Variants in SEPTIN10 observed in about 807,000 individuals in gnomAD.
SEPTIN10 encodes the protein septin 10.
Under a neutral mutation model 54.8 loss-of-function variants are expected in SEPTIN10, and 66 were observed. The ratio of observed to expected loss-of-function variants is 1.21; its 90% CI spans 0.99 to 1.48. The LOEUF (loss-of-function observed/expected upper bound fraction) is 1.48, where lower values mean the gene tolerates loss of function less well. SEPTIN10 is among the 40% of genes most tolerant of loss of function. The pLI is 0.00. For missense variants in SEPTIN10, 620 were observed against 545.6 expected, an observed-to-expected ratio of 1.14 and a Z score of -1.36; for synonymous variants, 161 against 181.0, an observed-to-expected ratio of 0.89 and a Z score of 0.89.
chr2:109,583,099 T>C (rs1198458239), intron 4 of SEPTIN10, among the ~76,000 whole-genome samples: 2 of 152,206 alleles, frequency 1.3e-5, no homozygotes, highest in Non-Finnish European at 2.9e-5. Flanking sequence ...GAAAGCACCA[T>C]GCTGCACATT....
At chr2:109,573,981 A>G (rs2105419863) in intron 5 of SEPTIN10, among the ~76,000 whole-genome samples, 2 of 152,326 alleles carry the variant, frequency 1.3e-5, no homozygotes, top group Middle Eastern at 6.8e-3. Flanking sequence ...ATTAGTATCA[A>G]CTAAATTCTG....
Position 109,582,389 on chromosome 2 carries a change from G to A in SEPTIN10, c.413+2737C>T, listed in dbSNP as rs551792741. Among the ~76,000 whole-genome samples the A allele has an allele frequency of 1.3e-4, 20 of 152,192 alleles. 1 individual carries two copies. In the South Asian group the frequency reaches 3.3e-3, roughly 25 times the overall value. ...GCTGGAAGGGCAGTGGCATGATCACGGCTCACTGCAGCTTCGACTTCCCAG... is the reference window on the plus strand; with the variant it reads ...GCTGGAAGGGCAGTGGCATGATCACAGCTCACTGCAGCTTCGACTTCCCAG... On this transcript the variant is annotated intron_variant, in intron 4 of 10. Coordinates refer to ENST00000397712, the MANE Select transcript of SEPTIN10 (RefSeq NM_144710.5).
chr2:109,557,851 CTT>C (rs202104089), intron 8 of SEPTIN10, among the ~76,000 whole-genome samples: 12 of 140,736 alleles, frequency 8.5e-5, no homozygotes, highest in African/African-American at 7.8e-5. Flanking sequence ...TCATAATTTT[CTT>C]TTTTTTTTTT....
At chr2:109,603,702 G>A (rs1020570625) in intron 1 of SEPTIN10, among the ~76,000 whole-genome samples, 1 of 152,138 alleles carries the variant, frequency 6.6e-6, no homozygotes, top group Non-Finnish European at 1.5e-5. Flanking sequence ...AGGGTATAAT[G>A]AAATCTACAT....
chr2:109,589,344 C>A (rs914631221), intron 2 of SEPTIN10, among the ~76,000 whole-genome samples: 2 of 151,860 alleles, frequency 1.3e-5, no homozygotes, highest in Admixed American at 1.3e-4. Context: ...ACCAACCTGG[C>A]CAGCATGACA....
Position 109,553,083 on chromosome 2 carries a change from T to G in SEPTIN10, c.1161+4A>C. ...TGCAAATCACATCAAACCAGCATAC[T>G]TGCCTCTCTCTCAGCTTCTTTCAAT... is the stretch of plus-strand genomic sequence containing the variant. On this transcript the variant is annotated splice_donor_region_variant and intron_variant, in intron 9 of 10. Coordinates refer to ENST00000397712, the MANE Select transcript of SEPTIN10 (RefSeq NM_144710.5). 5 of 1,611,552 alleles carry G rather than the reference T, an allele frequency of 3.1e-6. No individual in the cohort carries two copies. The highest frequency in any genetic ancestry group is 3.4e-6 in the Non-Finnish European group (4 of 1,179,738).
At chr2:109,571,668 C>A (rs960215344) in intron 5 of SEPTIN10, among the ~76,000 whole-genome samples, 1 of 152,142 alleles carries the variant, frequency 6.6e-6, no homozygotes, top group Admixed American at 6.5e-5. Context: ...GCAAGACTGT[C>A]CTACACTATT....
Position 109,613,797 on chromosome 2 carries a change from C to G in SEPTIN10, c.30+1G>C, listed in dbSNP as rs1162741860. ...GGGGCCCCGGCGTCGGCGGGACTCACCAGGTGCCGCGCCACCTCGGAGGAG... is the reference window on the plus strand; with the variant it reads ...GGGGCCCCGGCGTCGGCGGGACTCAGCAGGTGCCGCGCCACCTCGGAGGAG... On this transcript the variant is annotated splice_donor_variant, in intron 1 of 10. Coordinates refer to ENST00000397712, the MANE Select transcript of SEPTIN10 (RefSeq NM_144710.5). LOFTEE classifies it high-confidence loss of function. The G allele has an allele frequency of 3.2e-6, 4 of 1,231,962 alleles. No individual in the cohort carries two copies. The African/African-American group carries it at 4.7e-5, about 14-fold the overall frequency. 76.3% of individuals were successfully genotyped at this position (1,231,962 alleles called of 1,614,324 possible).
chr2:109,607,663 AG>A (rs1305394785), intron 1 of SEPTIN10, among the ~76,000 whole-genome samples: 1 of 152,112 alleles, frequency 6.6e-6, no homozygotes, highest in Non-Finnish European at 1.5e-5. Flanking sequence ...TTTTCTCCTG[AG>A]GGGGTAATAA....
rs777911857 is a variant in SEPTIN10 at position 109,564,549 on chromosome 2, A to T, written c.860-15T>A. ...TTCATTTTCCACTAGCCAAAAAAAA[A>T]TAAGAAAAGAACAACACTGGATTTT... On this transcript the variant is annotated splice_polypyrimidine_tract_variant and intron_variant, in intron 7 of 10. Transcript: ENST00000397712. 22 of 1,479,088 alleles carry T rather than the reference A, an allele frequency of 1.5e-5. No individual in the cohort carries two copies. The highest frequency in any genetic ancestry group is 2.0e-5 in the Non-Finnish European group (22 of 1,104,780). 91.6% of individuals were successfully genotyped at this position (1,479,088 alleles called of 1,614,324 possible). A position where few individuals can be genotyped will look rare whatever the true frequency, so the allele number is the denominator to read the frequency against.
At chr2:109,599,720 G>C (rs1696193858) in intron 1 of SEPTIN10, among the ~76,000 whole-genome samples, 1 of 152,098 alleles carries the variant, frequency 6.6e-6, no homozygotes, top group African/African-American at 2.4e-5. Flanking sequence ...GGAAATTCTT[G>C]ATAGCAGTTC....
At chr2:109,584,724 T>C (rs1378879814) in intron 4 of SEPTIN10, among the ~76,000 whole-genome samples, 1 of 152,176 alleles carries the variant, frequency 6.6e-6, no homozygotes, top group Non-Finnish European at 1.5e-5. Context: ...AATTTGATTA[T>C]AATTTTACAA....
intron 6 of SEPTIN10, among the ~76,000 whole-genome samples, chr2:109,567,412 A>G (rs1301904330): frequency 6.6e-6 from 1 of 152,236 alleles, no homozygotes; most frequent in African/African-American, 2.4e-5. Context: ...GAAGGAGCAT[A>G]AATACTAGTT....
intron 4 of SEPTIN10, among the ~76,000 whole-genome samples, chr2:109,581,934 C>T (rs186101033): frequency 1.8e-4 from 27 of 152,238 alleles, no homozygotes; most frequent in African/African-American, 2.4e-4. Flanking sequence ...CTAAAGACTC[C>T]GCCAAATGGC....
At chr2:109,603,243 AT>A (rs965602044) in intron 1 of SEPTIN10, among the ~76,000 whole-genome samples, 44 of 148,300 alleles carry the variant, frequency 3.0e-4, no homozygotes, top group East Asian at 9.8e-4. Context: ...TAATATTATT[AT>A]TTTTTTTTTT....
chr2:109,606,292 G>GT lies in SEPTIN10; in HGVS notation c.30+7505dup, dbSNP rs1697924945. ...TAGCTGGGTGTGGTGGCACATGCCT[G>GT]TAATCCCAGCTACTCCGGAGGCTGA... is the stretch of plus-strand genomic sequence containing the variant. On this transcript the variant is annotated intron_variant, in intron 1 of 10. Coordinates refer to ENST00000397712, the MANE Select transcript of SEPTIN10 (RefSeq NM_144710.5). 3.3e-5 allele frequency among the ~76,000 whole-genome samples: 5 copies of GT among 151,612 alleles called. No homozygotes were observed. In the South Asian group the frequency reaches 1.0e-3, roughly 32 times the overall value.
Position 109,613,740 on chromosome 2 carries a change from G to C in SEPTIN10, c.30+58C>G, listed in dbSNP as rs905745504. ...CAGGGGGCCGGTGGGTCGAGGGCGG[G>C]AAGTCCCGCGGGGGCCGGGGAGCGC... On this transcript the variant is annotated intron_variant, in intron 1 of 10. Coordinates refer to ENST00000397712, the MANE Select transcript of SEPTIN10 (RefSeq NM_144710.5). 8.9e-6 allele frequency: 10 copies of C among 1,126,638 alleles called. No homozygotes were observed. The Admixed American group carries it at 1.7e-4, about 20-fold the overall frequency. The allele number at this position is 1,126,638 out of a possible 1,614,324, so 69.8% of individuals were successfully genotyped here. A position where few individuals can be genotyped will look rare whatever the true frequency, so the allele number is the denominator to read the frequency against.
intron 9 of SEPTIN10, among the ~76,000 whole-genome samples, chr2:109,550,714 C>A (rs1476768127): frequency 6.6e-6 from 1 of 152,208 alleles, no homozygotes; most frequent in Non-Finnish European, 1.5e-5. Context: ...TTCTGCCCTG[C>A]CTGCCTAGAA....
chr2:109,583,715 T>C (rs1225362385), intron 4 of SEPTIN10, among the ~76,000 whole-genome samples: 1 of 152,060 alleles, frequency 6.6e-6, no homozygotes, highest in Non-Finnish European at 1.5e-5. Flanking sequence ...CTATTCACAA[T>C]AGCAAAGACA....
Sources: allele counts gnomAD v4.1 joint callset (sites outside exome capture counted in the v4.1 genomes callset), GRCh38; gene constraint gnomAD v4.1.1; transcripts MANE v1.5; gene names NCBI Gene and HGNC (gene_info 2026-07-23, HGNC 2026-07-21).